Variants in ACTR1A observed in about 807,000 individuals in gnomAD.
The protein encoded by ACTR1A is actin related protein 1A.
In ACTR1A, 10 loss-of-function variants were observed where a neutral mutation model predicts 50.7. That is an observed-to-expected ratio of 0.20 (90% CI 0.12 to 0.33). The LOEUF (loss-of-function observed/expected upper bound fraction) is 0.33, where lower values mean the gene tolerates loss of function less well. Among genes scored for constraint, ACTR1A ranks in the 10% least tolerant of loss-of-function variants. The pLI is 1.00. For missense variants in ACTR1A, 253 were observed against 491.7 expected (o/e 0.51, Z 4.59); for synonymous variants, 177 against 184.2 (o/e 0.96, Z 0.32).
At chr10:102,490,650 A>G (rs781662735) in intron 1 of ACTR1A, 37 bp from the exon 2 acceptor site, 5 of 1,536,564 alleles carry the variant, frequency 3.3e-6, no homozygotes, top group Non-Finnish European at 4.5e-6. Context: ...AGTCAGAACT[A>G]TCACAAATAC....
rs7895409 is a variant in ACTR1A at position 102,481,907 on chromosome 10, G to A, written c.926-9C>T. On this transcript the variant is annotated splice_polypyrimidine_tract_variant and intron_variant, in intron 8 of 10. Coordinates refer to ENST00000369905, the MANE Select transcript of ACTR1A (RefSeq NM_005736.4). ...GAGCCTGTCACCAAAACCTGAATGG[G>A]CAAAGAGGAGAACTTCAAGTCAATT... The A allele has an allele frequency of 6.2e-7, 1 of 1,613,100 alleles. No individual in the cohort carries two copies. The highest frequency in any genetic ancestry group is 8.5e-7 in the Non-Finnish European group (1 of 1,180,030).
intron 1 of ACTR1A, among the ~76,000 whole-genome samples, chr10:102,498,689 T>C (rs964114527): frequency 6.6e-6 from 1 of 151,752 alleles, no homozygotes; most frequent in Non-Finnish European, 1.5e-5. Flanking sequence ...CCCAGGCTGG[T>C]CTCCAATTCC....
chr10:102,482,188 G>A lies in ACTR1A; in HGVS notation c.751-13C>T. 3 of 1,609,914 alleles carry A rather than the reference G, an allele frequency of 1.9e-6. No individual in the cohort carries two copies. In the South Asian group the frequency reaches 3.3e-5, roughly 18 times the overall value. On this transcript the variant is annotated splice_polypyrimidine_tract_variant and intron_variant, in intron 7 of 10. Coordinates refer to ENST00000369905, the MANE Select transcript of ACTR1A (RefSeq NM_005736.4). The surrounding 1 kb of genome is among the most constrained non-coding windows in gnomAD (Gnocchi z 5.6). ...GGGAAGGACCAATCTGCAGGTAGGA[G>A]GGCCAGCTGAAGAGGTCGGAGCTGG...
chr10:102,501,942 C>T (rs1434016486), intron 1 of ACTR1A, among the ~76,000 whole-genome samples: 1 of 152,228 alleles, frequency 6.6e-6, no homozygotes, highest in Non-Finnish European at 1.5e-5. Flanking sequence ...AATTTATAAT[C>T]ACAGTAATAG....
chr10:102,497,775 G>A (rs1215925323), intron 1 of ACTR1A, among the ~76,000 whole-genome samples: 3 of 151,874 alleles, frequency 2.0e-5, no homozygotes, highest in Admixed American at 6.6e-5. Flanking sequence ...TGGTTGTTTT[G>A]CGGATTATTT....
In ACTR1A at chr10:102,485,594, C is replaced by G; in HGVS notation, c.440+15G>C. ...GCTTTCCCCGCAGGGGCCGGGCTAG[C>G]CAGCTGCTACTCACAGGCTGAGTAC... On this transcript the variant is annotated intron_variant, in intron 5 of 10. Coordinates refer to ENST00000369905, the MANE Select transcript of ACTR1A (RefSeq NM_005736.4). 1 of 1,612,980 alleles carries G rather than the reference C, an allele frequency of 6.2e-7. No homozygotes were observed. Among genetic ancestry groups the G allele is most frequent in the Non-Finnish European group, 8.5e-7 (1 of 1,179,640 alleles).
At position 102,481,738 on chromosome 10, in the gene ACTR1A, C is replaced by T; in HGVS notation, c.987+99G>A. 3 of 1,421,106 alleles carry T rather than the reference C, an allele frequency of 2.1e-6. No homozygotes were observed. In the South Asian group the frequency reaches 3.5e-5, roughly 17 times the overall value. The allele number at this position is 1,421,106 out of a possible 1,614,324, so 88.0% of individuals were successfully genotyped here. A position where few individuals can be genotyped will look rare whatever the true frequency, so the allele number is the denominator to read the frequency against. ...GGCGCTGCTTGTAGAGCCATGGCTG[C>T]TTGAAGAGCTTGGGCAAAGCTAGAG... is the stretch of plus-strand genomic sequence containing the variant. On this transcript the variant is annotated intron_variant, in intron 9 of 10. Transcript: ENST00000369905.
chr10:102,494,763 G>A (rs1425994800), intron 1 of ACTR1A, among the ~76,000 whole-genome samples: 1 of 152,192 alleles, frequency 6.6e-6, no homozygotes, highest in Admixed American at 6.5e-5. Context: ...CGAGAGACCA[G>A]CCTGGGCAAC....
intron 1 of ACTR1A, among the ~76,000 whole-genome samples, chr10:102,500,817 A>C (rs1589966769): frequency 6.6e-6 from 1 of 152,242 alleles, no homozygotes; most frequent in East Asian, 1.9e-4. Flanking sequence ...TCAGGCCTAT[A>C]ATCCCAGCAC....
At chr10:102,494,565 G>A (rs1158870724) in intron 1 of ACTR1A, among the ~76,000 whole-genome samples, 1 of 152,222 alleles carries the variant, frequency 6.6e-6, no homozygotes, top group African/African-American at 2.4e-5. Context: ...GGGAGGTCAA[G>A]GCTGCAGCAA....
intron 5 of ACTR1A, among the ~76,000 whole-genome samples, chr10:102,484,957 C>T (rs566453498): frequency 6.6e-6 from 1 of 152,314 alleles, no homozygotes; most frequent in South Asian, 2.1e-4. Context: ...AGCCGCTCTT[C>T]AGCTCCAGCT....
chr10:102,480,763 G>A lies in ACTR1A; in HGVS notation c.*100C>T, dbSNP rs1445566365. Reference sequence around the variant, plus strand: ...TGCACACACACTCATATCCACACACGCACTCACACACAGGCAGTTCCTCGC... The same window carrying A: ...TGCACACACACTCATATCCACACACACACTCACACACAGGCAGTTCCTCGC... On this transcript the variant is annotated 3_prime_UTR_variant, in exon 11 of 11. Coordinates refer to ENST00000369905, the MANE Select transcript of ACTR1A (RefSeq NM_005736.4). 1.8e-5 allele frequency: 17 copies of A among 954,932 alleles called. No individual in the cohort carries two copies. The highest frequency in any genetic ancestry group is 1.4e-4 in the Admixed American group (8 of 57,832). 59.2% of individuals were successfully genotyped at this position (954,932 alleles called of 1,614,324 possible). A position where few individuals can be genotyped will look rare whatever the true frequency, so the allele number is the denominator to read the frequency against.
intron 4 of ACTR1A, among the ~76,000 whole-genome samples, chr10:102,486,914 G>A (rs2062171304): frequency 6.6e-6 from 1 of 151,186 alleles, no homozygotes; most frequent in South Asian, 2.1e-4. Context: ...ATCATTTCAA[G>A]TAGCTGGGAC....
At chr10:102,489,041 G>T in intron 3 of ACTR1A, 22 bp downstream of exon 3, 1 of 1,527,384 alleles carries the variant, frequency 6.5e-7, no homozygotes, top group Non-Finnish European at 8.8e-7. Context: ...CTTAAGGCTT[G>T]TTCTGTAGGC....
At chr10:102,485,831 G>T in intron 4 of ACTR1A, 98 bp from the exon 5 acceptor site, 3 of 1,537,666 alleles carry the variant, frequency 2.0e-6, no homozygotes, top group Admixed American at 3.5e-5. Context: ...TTGAGAGCCC[G>T]GGGACTTCAG....
chr10:102,491,204 G>A (rs2062190121), intron 1 of ACTR1A, among the ~76,000 whole-genome samples: 1 of 152,008 alleles, frequency 6.6e-6, no homozygotes, highest in African/African-American at 2.4e-5. Flanking sequence ...AGTAATAAAG[G>A]GAAGAAAAAG....
intron 9 of ACTR1A, 90 bp downstream of exon 9, chr10:102,481,747 C>G: frequency 6.7e-7 from 1 of 1,490,530 alleles, no homozygotes; most frequent in Non-Finnish European, 9.3e-7. Context: ...GCTTGAAGAG[C>G]TTGGGCAAAG....
Position 102,482,051 on chromosome 10 carries a change from C to A in ACTR1A, c.875G>T (p.Arg292Leu). 6.2e-7 allele frequency: 1 copy of A among 1,614,198 alleles called. No individual in the cohort carries two copies. The highest frequency in any genetic ancestry group is 8.5e-7 in the Non-Finnish European group (1 of 1,180,050). Residue 292 changes from arginine to leucine, a missense_variant, in exon 8 of 11, where the codon CGC becomes CTC. Around this residue, in one of 4 missense-constraint regions of ACTR1A, gnomAD observed 116 missense variants for 155.9 expected, o/e 0.74. Transcript: ENST00000369905. The surrounding 1 kb of genome is among the most constrained non-coding windows in gnomAD (Gnocchi z 5.6). Reference sequence around the variant, plus strand: ...GAGGACAATGTTAGAGAAAAGCGTGCGCCGCAGGTCCATGTCTGACTTCTG... The same window carrying A: ...GAGGACAATGTTAGAGAAAAGCGTGAGCCGCAGGTCCATGTCTGACTTCTG... ...AIQKSDMDLR[R>L]TLFSNIVLSG...
intron 1 of ACTR1A, among the ~76,000 whole-genome samples, chr10:102,492,496 G>A (rs2062199486): frequency 6.6e-6 from 1 of 152,130 alleles, no homozygotes; most frequent in Admixed American, 6.5e-5. Context: ...CTCTCCTGGG[G>A]TGGAGTGTGG....
Sources: gnomAD v4.1 joint callset for allele counts (sites outside exome capture counted in the v4.1 genomes callset) on GRCh38, gnomAD v4.1.1 for gene constraint, gnomAD v4.1.1 regional missense constraint, Gnocchi (gnomAD v3.1) non-coding constraint, MANE v1.5 for transcripts, NCBI Gene and HGNC (gene_info 2026-07-23, HGNC 2026-07-21) for gene names.